Variants in EP400 observed in about 807,000 individuals in gnomAD.
EP400 encodes E1A-binding protein p400.
A neutral mutation model predicts 354.1 loss-of-function variants in EP400; 105 were observed. The ratio of observed to expected loss-of-function variants is 0.30; its 90% confidence interval spans 0.25 to 0.35. The LOEUF is 0.35. Among genes scored for constraint, EP400 ranks in the 10% least tolerant of loss-of-function variants. EP400 has a pLI of 1.00. For missense variants in EP400, 3,280 were observed against 4,121.0 expected (o/e 0.80, Z 5.59); for synonymous variants, 1,646 against 1,716.9 (o/e 0.96, Z 1.02).
rs373215107 is a variant in EP400 at position 132,069,551 on chromosome 12, G to A, written c.8931G>A (p.Ala2977=). 53 of 1,614,092 alleles carry A rather than the reference G, an allele frequency of 3.3e-5. No individual in the cohort carries two copies. The highest frequency in any genetic ancestry group is 3.5e-5 in the Non-Finnish European group (41 of 1,180,022). Reference sequence around the variant, plus strand: ...CGCAGCAGAAGGTTGCCTACGCCGCGCAGCCGGCCCTTAAGACCCAGTTTC... The same window carrying A: ...CGCAGCAGAAGGTTGCCTACGCCGCACAGCCGGCCCTTAAGACCCAGTTTC... ...PGAQQKVAYA[A]QPALKTQFLT... Residue 2977 remains alanine, a synonymous_variant, in exon 51 of 53, where the codon GCG becomes GCA. Coordinates refer to ENST00000389561, the MANE Select transcript of EP400 (RefSeq NM_015409.5).
chr12:132,053,390 A>ACC lies in EP400; in HGVS notation c.7525_7526dup (p.Pro2510ArgfsTer86). The ACC allele has an allele frequency of 8.7e-7, 1 of 1,146,734 alleles. No individual in the cohort carries two copies. Among genetic ancestry groups the ACC allele is most frequent in the South Asian group, 1.3e-5 (1 of 74,752 alleles). The allele number at this position is 1,146,734 out of a possible 1,614,324, so 71.0% of individuals were successfully genotyped here. A position where few individuals can be genotyped will look rare whatever the true frequency, so the allele number is the denominator to read the frequency against. ...CACAGCAGCCGGCCGTGGCCCAGCC[A>ACC]CCCCCGCCCCAGCCGCAGCCCCCAC... On this transcript the variant is annotated frameshift_variant, in exon 43 of 53. Transcript: ENST00000389561. LOFTEE classifies it high-confidence loss of function.
chr12:132,067,202 C>A lies in EP400; in HGVS notation c.8750-160C>A. 2.4e-6 allele frequency: 3 copies of A among 1,232,008 alleles called. No homozygotes were observed. Among genetic ancestry groups the A allele is most frequent in the Non-Finnish European group, 2.2e-6 (2 of 888,892 alleles). The allele number at this position is 1,232,008 out of a possible 1,614,324, so 76.3% of individuals were successfully genotyped here. A position where few individuals can be genotyped will look rare whatever the true frequency, so the allele number is the denominator to read the frequency against. ...TCTTAATTTAAGTGTAATTTGTGAA[C>A]CCAGAAACATTTTAATGTAGTTAAG... is the stretch of plus-strand genomic sequence containing the variant. On this transcript the variant is annotated intron_variant, in intron 49 of 52. Transcript: ENST00000389561. This position sits in a 1 kb window ranked among gnomAD's most constrained non-coding sequence, Gnocchi z 5.3.
chr12:132,000,146 G>A (rs561105307), intron 12 of EP400, among the ~76,000 whole-genome samples: 55 of 151,532 alleles, frequency 3.6e-4, no homozygotes, highest in African/African-American at 1.2e-3. Flanking sequence ...GAATTTTTCC[G>A]TAATACTGCT....
At chr12:132,019,655 C>T (rs1234079035) in intron 21 of EP400, among the ~76,000 whole-genome samples, 1 of 152,192 alleles carries the variant, frequency 6.6e-6, no homozygotes, top group East Asian at 1.9e-4. Context: ...TGAACCATCA[C>T]TTGAACGGCT....
At chr12:132,062,758 G>A (rs1028371883) in intron 47 of EP400, 57 bp downstream of exon 47, 9 of 1,599,130 alleles carry the variant, frequency 5.6e-6, no homozygotes, top group African/African-American at 4.0e-5. Context: ...TCAGCCCAGC[G>A]TCTGTGAGAC....
chr12:131,959,389 G>C (rs1366127428), intron 1 of EP400, among the ~76,000 whole-genome samples: 1 of 152,136 alleles, frequency 6.6e-6, no homozygotes. Context: ...CTGCAGTGGT[G>C]GGGCTCACTG....
At position 132,062,330 on chromosome 12, in the gene EP400, C is replaced by A. The variant is rs1405072097; in HGVS notation, c.8098+7C>A. On this transcript the variant is annotated splice_region_variant and intron_variant, in intron 46 of 52. Transcript: ENST00000389561. Reference sequence around the variant, plus strand: ...GTGCCCCAAGTGTCCCAAGGTAAAGCCAGGCTGGGAGCTTTCTCTGCCACA... The same window carrying A: ...GTGCCCCAAGTGTCCCAAGGTAAAGACAGGCTGGGAGCTTTCTCTGCCACA... 1 of 1,613,950 alleles carries A rather than the reference C, an allele frequency of 6.2e-7. No homozygotes were observed. The highest frequency in any genetic ancestry group is 2.2e-5 in the East Asian group (1 of 44,870).
At chr12:132,062,405 ATG>A in intron 46 of EP400, 59 bp from the exon 47 acceptor site, 17 of 1,610,352 alleles carry the variant, frequency 1.1e-5, no homozygotes, top group Non-Finnish European at 1.4e-5. Context: ...CTGTCTGAGA[ATG>A]AGGATCTGAA....
chr12:132,037,798 T>C lies in EP400; in HGVS notation c.6063+5T>C, dbSNP rs762013412. The C allele has an allele frequency of 1.3e-5, 21 of 1,613,716 alleles. No individual in the cohort carries two copies. The highest frequency in any genetic ancestry group is 4.0e-5 in the African/African-American group (3 of 74,924). On this transcript the variant is annotated splice_donor_5th_base_variant and intron_variant, in intron 31 of 52. Coordinates refer to ENST00000389561, the MANE Select transcript of EP400 (RefSeq NM_015409.5). ...TCCATGGCTTTCTTAACTCAGGTAC[T>C]CCTTATTCAATGAGAGGCCTGAGGT...
intron 30 of EP400, among the ~76,000 whole-genome samples, chr12:132,033,720 CA>C (rs1011646800): frequency 9.9e-5 from 15 of 151,934 alleles, no homozygotes; most frequent in Middle Eastern, 3.4e-3. Context: ...TTTGCACAGA[CA>C]GGGTTTTGCT....
chr12:131,976,675 A>AC lies in EP400; in HGVS notation c.1336-3018dup. Reference sequence around the variant, plus strand: ...CAGTGAGGCGAGATCGTACCATTGCACTCCAGCCTGGGCGACAGAGCGAGA... The same window carrying AC: ...CAGTGAGGCGAGATCGTACCATTGCACCTCCAGCCTGGGCGACAGAGCGAGA... On this transcript the variant is annotated intron_variant, in intron 2 of 52. Coordinates refer to ENST00000389561, the MANE Select transcript of EP400 (RefSeq NM_015409.5). Among the ~76,000 whole-genome samples the AC allele has an allele frequency of 2.6e-5, 4 of 152,206 alleles. No individual in the cohort carries two copies. In the South Asian group the frequency reaches 8.3e-4, roughly 32 times the overall value.
intron 27 of EP400, 26 bp downstream of exon 27, chr12:132,028,314 G>A (rs748974420): frequency 1.1e-5 from 17 of 1,603,386 alleles, no homozygotes; most frequent in African/African-American, 1.3e-5. Context: ...TGACCTTTTC[G>A]GTGCTCTCTG....
At chr12:132,063,529 C>T (rs1034188608) in intron 47 of EP400, among the ~76,000 whole-genome samples, 1 of 151,948 alleles carries the variant, frequency 6.6e-6, no homozygotes, top group South Asian at 2.1e-4. Context: ...ATGTTATGTC[C>T]TACCATAAAT....
chr12:132,070,135 C>T lies in EP400; in HGVS notation c.9021+494C>T, dbSNP rs1896026171. ...AGCTTATGGAGTTACCTCCCTGCAT[C>T]CTTCTCTAAGAGCGGGGGAGTGGTA... On this transcript the variant is annotated intron_variant, in intron 51 of 52. Coordinates refer to ENST00000389561, the MANE Select transcript of EP400 (RefSeq NM_015409.5). The surrounding 1 kb of genome is among the most constrained non-coding windows in gnomAD (Gnocchi z 4.1). 6.6e-6 allele frequency among the ~76,000 whole-genome samples: 1 copy of T among 152,132 alleles called. No individual in the cohort carries two copies. The highest frequency in any genetic ancestry group is 1.5e-5 in the Non-Finnish European group (1 of 68,036).
chr12:132,012,910 G>A (rs1893810895), intron 16 of EP400, 99 bp from the exon 17 acceptor site: 2 of 1,264,522 alleles, frequency 1.6e-6, no homozygotes, highest in South Asian at 1.7e-5. Context: ...GGTGGGAACG[G>A]AGTCACTGGG....
In EP400 at chr12:132,006,125, T is replaced by G. The variant is rs1018050558; in HGVS notation, c.2949T>G (p.Cys983Trp). 2 of 1,613,996 alleles carry G rather than the reference T, an allele frequency of 1.2e-6. No homozygotes were observed. The highest frequency in any genetic ancestry group is 1.3e-5 in the African/African-American group (1 of 75,056). ...DTSGEEDADD[C>W]PGDRESRKDL... ...TTGTCGTTACAGATGCAGATGACTGTCCAGGCGACAGGGAGAGTCGCAAGG... is the reference window on the plus strand; with the variant it reads ...TTGTCGTTACAGATGCAGATGACTGGCCAGGCGACAGGGAGAGTCGCAAGG... Residue 983 changes from cysteine (C) to tryptophan (W), a missense_variant, in exon 14 of 53, where the codon TGT (cysteine) becomes TGG (tryptophan). Cys to Trp is a radical substitution (Grantham distance 215, BLOSUM62 -2). Transcript: ENST00000389561.
chr12:131,989,087 T>C (rs1892950873), intron 7 of EP400, among the ~76,000 whole-genome samples: 1 of 152,194 alleles, frequency 6.6e-6, no homozygotes, highest in African/African-American at 2.4e-5. Context: ...GCCAGACGTG[T>C]AGATGCCAGG....
chr12:132,074,485 T>C (rs931193411), intron 51 of EP400, among the ~76,000 whole-genome samples: 1 of 152,182 alleles, frequency 6.6e-6, no homozygotes, highest in African/African-American at 2.4e-5. Flanking sequence ...CTGCCTGTTA[T>C]CGAGACGTTG....
chr12:131,984,086 G>T (rs1406898550), intron 5 of EP400, among the ~76,000 whole-genome samples: 1 of 152,082 alleles, frequency 6.6e-6, no homozygotes, highest in Admixed American at 6.6e-5. Flanking sequence ...TTTTAGTAAA[G>T]ACGAGGTTTC....
Sources: gnomAD v4.1 joint callset for allele counts (sites outside exome capture counted in the v4.1 genomes callset) on GRCh38, gnomAD v4.1.1 for gene constraint, Gnocchi (gnomAD v3.1) non-coding constraint, MANE v1.5 for transcripts, NCBI Gene and HGNC (gene_info 2026-07-23, HGNC 2026-07-21) for gene names.